KIF1A: variants seen among roughly 807,000 people sequenced by gnomAD.
The protein encoded by KIF1A is kinesin family member 1A, also known as kinesin-like protein KIF1A.
In KIF1A, 46 loss-of-function variants were observed where a neutral mutation model predicts 227.3. The observed-to-expected ratio is 0.20, with a 90% CI of 0.16 to 0.26. KIF1A has a LOEUF of 0.26. KIF1A is among the 10% of genes least tolerant of loss of function. The pLI is 1.00. For missense variants in KIF1A, 1,683 were observed against 2,485.9 expected (o/e 0.68, Z 6.87); for synonymous variants, 1,022 against 1,012.8 (o/e 1.01, Z -0.17).
chr2:240,771,189 G>A (rs2051921546), intron 14 of KIF1A, 85 bp from the exon 15 acceptor site: 1 of 1,550,826 alleles, frequency 6.4e-7, no homozygotes, highest in South Asian at 1.1e-5. Flanking sequence ...TCTATGGGGA[G>A]GAGGGGTAGG....
intron 2 of KIF1A, among the ~76,000 whole-genome samples, chr2:240,795,625 G>A (rs1405330875): frequency 6.6e-6 from 1 of 152,210 alleles, no homozygotes; most frequent in Non-Finnish European, 1.5e-5. Flanking sequence ...CTCACCTCCA[G>A]GCTGTACCCT....
chr2:240,720,091 A>G (rs1559474065), intron 45 of KIF1A, 165 bp from the exon 46 acceptor site: 2 of 566,702 alleles, frequency 3.5e-6, no homozygotes, highest in Admixed American at 4.0e-5. Flanking sequence ...CCCGTCCACC[A>G]GGATAGCCAA....
chr2:240,780,776 ACACACACACACACACACAGCTC>A (rs2053576364), intron 10 of KIF1A, among the ~76,000 whole-genome samples: 1 of 124,426 alleles, frequency 8.0e-6, no homozygotes, highest in Non-Finnish European at 1.6e-5. Flanking sequence ...AGCTCCACAC[ACACACACACACACACACAGCTC>A]CACACACACA....
Position 240,725,193 on chromosome 2 carries a change from G to A in KIF1A, c.4256+78C>T, listed in dbSNP as rs141827921. On this transcript the variant is annotated intron_variant, in intron 40 of 48. Coordinates refer to ENST00000498729, the MANE Select transcript of KIF1A (RefSeq NM_001244008.2). This position sits in a 1 kb window ranked among gnomAD's most constrained non-coding sequence, Gnocchi z 5.8. ...TGAGCTGCCGGGTGGCCCAAGGACCGCTGCCAGGCAGAGCCCTGCCTGGCC... is the reference window on the plus strand; with the variant it reads ...TGAGCTGCCGGGTGGCCCAAGGACCACTGCCAGGCAGAGCCCTGCCTGGCC... 298 of 1,485,310 alleles carry A rather than the reference G, an allele frequency of 2.0e-4. No individual in the cohort carries two copies. Among genetic ancestry groups the A allele is most frequent in the African/African-American group, 1.8e-3 (130 of 70,636 alleles). 92.0% of individuals were successfully genotyped at this position (1,485,310 alleles called of 1,614,324 possible).
Position 240,766,749 on chromosome 2 carries a change from T to TCTCTCTCTCTCTCTCACACA in KIF1A, c.1684+165_1684+166insTGTGTGAGAGAGAGAGAGAG, listed in dbSNP as rs1454271542. Among the ~76,000 whole-genome samples, 2 of 109,024 alleles carry TCTCTCTCTCTCTCTCACACA rather than the reference T, an allele frequency of 1.8e-5. No individual in the cohort carries two copies. Among genetic ancestry groups the TCTCTCTCTCTCTCTCACACA allele is most frequent in the East Asian group, 3.2e-4 (1 of 3,144 alleles). 71.5% of individuals were successfully genotyped at this position (109,024 alleles called of 152,430 possible). ...CTCTCTCTCTCTCTCTCTCTCTCTCTCACACACACACACACACACACACAC... is the reference window on the plus strand; with the variant it reads ...CTCTCTCTCTCTCTCTCTCTCTCTCTCTCTCTCTCTCTCTCACACACACACACACACACACACACACACAC... On this transcript the variant is annotated intron_variant, in intron 19 of 48. Coordinates refer to ENST00000498729, the MANE Select transcript of KIF1A (RefSeq NM_001244008.2). The surrounding 1 kb of genome is among the most constrained non-coding windows in gnomAD (Gnocchi z 5.0).
chr2:240,734,583 G>A, intron 38 of KIF1A: 1 of 482,606 alleles, frequency 2.1e-6, no homozygotes, highest in Middle Eastern at 3.4e-4. Context: ...CAGGAGGACA[G>A]GTGAGCACGT....
intron 1 of KIF1A, among the ~76,000 whole-genome samples, chr2:240,817,442 C>T (rs1448008070): frequency 6.6e-6 from 1 of 152,212 alleles, no homozygotes; most frequent in Non-Finnish European, 1.5e-5. Context: ...AGGCAGACAA[C>T]CACGTGCTCA....
At chr2:240,817,402 C>T (rs1011032042) in intron 1 of KIF1A, among the ~76,000 whole-genome samples, 3 of 152,146 alleles carry the variant, frequency 2.0e-5, no homozygotes, top group Non-Finnish European at 4.4e-5. Flanking sequence ...CTGAATGTGG[C>T]AATGACCTAG....
At position 240,788,079 on chromosome 2, in the gene KIF1A, T is replaced by C; in HGVS notation, c.335A>G (p.Glu112Gly). 6.4e-7 allele frequency: 1 copy of C among 1,562,446 alleles called. No individual in the cohort carries two copies. The highest frequency in any genetic ancestry group is 8.7e-7 in the Non-Finnish European group (1 of 1,150,392). ...GKSYTMMGKQ[E>G]KDQQGIIPQL... The stretch of plus-strand genomic sequence containing the variant: ...TGGGATGATGCCCTGCTGGTCCTTC[T>C]CCTGCTTGCCCATCATGGTGTAGGA... The change falls in exon 4 of 49, where the codon GAG (glutamate) becomes GGG (glycine). Residue 112 changes from glutamate to glycine, a missense_variant. This residue lies in a region of KIF1A where 75 missense variants were observed against 131.2 expected (regional missense o/e 0.57). Transcript: ENST00000498729. This position sits in a 1 kb window ranked among gnomAD's most constrained non-coding sequence, Gnocchi z 6.6.
At position 240,786,825 on chromosome 2, in the gene KIF1A, A is replaced by C. The variant is rs4998254; in HGVS notation, c.430-312T>G. Among the ~76,000 whole-genome samples the C allele has an allele frequency of 2.6e-5, 2 of 78,118 alleles. 1 individual carries two copies. The allele number at this position is 78,118 out of a possible 152,430, so 51.2% of individuals were successfully genotyped here. On this transcript the variant is annotated intron_variant, in intron 5 of 48. Coordinates refer to ENST00000498729, the MANE Select transcript of KIF1A (RefSeq NM_001244008.2). The stretch of plus-strand genomic sequence containing the variant: ...GCTGCCATCAGGACCCCTGAGTGAG[A>C]GGGTGGGGGCTGCCTGCTGAGCAGA...
intron 10 of KIF1A, among the ~76,000 whole-genome samples, chr2:240,781,475 ACACACACACACAGCTCCACACACAGCTC>A (rs2053994548): frequency 7.4e-6 from 1 of 135,018 alleles, no homozygotes; most frequent in African/African-American, 2.8e-5. Flanking sequence ...ACACACACAC[ACACACACACACAGCTCCACACACAGCTC>A]CACACACACA....
intron 20 of KIF1A, 21 bp downstream of exon 20, chr2:240,765,689 C>T: frequency 1.3e-6 from 2 of 1,598,278 alleles, no homozygotes; most frequent in Non-Finnish European, 1.7e-6. Context: ...CCTGACTGGC[C>T]CCCGGAGTCC....
intron 1 of KIF1A, among the ~76,000 whole-genome samples, chr2:240,808,712 G>A (rs918323345): frequency 6.6e-6 from 1 of 151,760 alleles, no homozygotes; most frequent in African/African-American, 2.4e-5. Context: ...AAACTATAGA[G>A]TACCTAGGAA....
intron 32 of KIF1A, among the ~76,000 whole-genome samples, chr2:240,744,641 C>T (rs1418708742): frequency 2.6e-5 from 4 of 152,308 alleles, no homozygotes; most frequent in African/African-American, 9.6e-5. Context: ...AAGGAAGAGG[C>T]GGCTGTTCTA....
chr2:240,808,291 A>T (rs2057585311), intron 1 of KIF1A, among the ~76,000 whole-genome samples: 1 of 152,256 alleles, frequency 6.6e-6, no homozygotes, highest in Non-Finnish European at 1.5e-5. Context: ...AGGAAGGTTC[A>T]ATAAGGTTGT....
Position 240,797,889 on chromosome 2 carries a change from A to G in KIF1A, c.-60-77T>C, listed in dbSNP as rs909696170. 4.4e-5 allele frequency: 27 copies of G among 618,022 alleles called. 1 individual carries two copies. The highest frequency in any genetic ancestry group is 5.2e-4 in the Middle Eastern group (2 of 3,820). 38.3% of individuals were successfully genotyped at this position (618,022 alleles called of 1,614,324 possible). A position where few individuals can be genotyped will look rare whatever the true frequency, so the allele number is the denominator to read the frequency against. ...AGGCACTCCGGCTGCAGCTGAAGCC[A>G]CAGGTCTTTTCCACTCCCCTCCAAA... On this transcript the variant is annotated intron_variant, in intron 1 of 48. Transcript: ENST00000498729.
chr2:240,724,115 C>T, intron 40 of KIF1A, 79 bp from the exon 41 acceptor site: 2 of 1,274,178 alleles, frequency 1.6e-6, no homozygotes, highest in Non-Finnish European at 2.3e-6. Flanking sequence ...TGCTGACTTG[C>T]CCCACTATCA....
intron 5 of KIF1A, among the ~76,000 whole-genome samples, chr2:240,786,800 G>GCCACCATCAGGAACC (rs1559530222): frequency 2.1e-5 from 3 of 143,088 alleles, no homozygotes; most frequent in African/African-American, 8.4e-5. Context: ...GGGGGTGGGG[G>GCCACCATCAGGAACC]CTGCCATCAG....
chr2:240,806,866 T>C (rs186097060), intron 1 of KIF1A, among the ~76,000 whole-genome samples: 84 of 152,226 alleles, frequency 5.5e-4, no homozygotes, highest in African/African-American at 1.9e-3. Flanking sequence ...AGTTCCACCA[T>C]ACATTTGTTT....
Sources: gnomAD v4.1 joint callset for allele counts (sites outside exome capture counted in the v4.1 genomes callset) on GRCh38, gnomAD v4.1.1 for gene constraint, gnomAD v4.1.1 regional missense constraint, Gnocchi (gnomAD v3.1) non-coding constraint, MANE v1.5 for transcripts, NCBI Gene and HGNC (gene_info 2026-07-23, HGNC 2026-07-21) for gene names.